Variants in GREM1 observed in about 807,000 individuals in gnomAD.
The protein encoded by GREM1 is gremlin-1.
A neutral mutation model predicts 13.1 loss-of-function variants in GREM1; 6 were observed. The ratio of observed to expected loss-of-function variants is 0.46; its 90% CI spans 0.25 to 0.91. The LOEUF (loss-of-function observed/expected upper bound fraction) is 0.91. Among genes scored for constraint, GREM1 ranks in the 40% least tolerant of loss-of-function variants. The probability of loss-of-function intolerance (pLI) is 0.18; values close to 1 mark genes in which losing one functional copy is unlikely to be tolerated. For synonymous variants in GREM1, 98 were observed against 93.7 expected, an observed-to-expected ratio of 1.05 and a Z score of -0.27; for missense variants, 185 against 233.9, an observed-to-expected ratio of 0.79 and a Z score of 1.36.
In GREM1 at chr15:32,737,852, C is replaced by CAGG. The variant is rs2055713413; in HGVS notation, c.*6611_*6613dup. On this transcript the variant is annotated 3_prime_UTR_variant, in exon 2 of 2. Transcript: ENST00000651154. ...CTGAGGCAGGAGAATCGGTTGAACCCAGGAGGTGGAGGTTCTGGTGAGCCG... is the reference window on the plus strand; with the variant it reads ...CTGAGGCAGGAGAATCGGTTGAACCCAGGAGGAGGTGGAGGTTCTGGTGAGCCG... 1 of 139,926 alleles carries CAGG rather than the reference C, an allele frequency of 7.1e-6. No individual in the cohort carries two copies. The highest frequency in any genetic ancestry group is 2.3e-4 in the South Asian group (1 of 4,396). The allele number at this position is 139,926 out of a possible 1,614,324, so 8.7% of individuals were successfully genotyped here.
intron 1 of GREM1, among the ~76,000 whole-genome samples, chr15:32,722,711 G>A (rs192762592): frequency 1.3e-5 from 2 of 152,340 alleles, no homozygotes; most frequent in Non-Finnish European, 2.9e-5. Flanking sequence ...AGGAAAGCAT[G>A]CTGTAGAGAG....
rs1272628276 is a variant in GREM1, at chr15:32,736,181, C to G, written c.*4936C>G. The G allele has an allele frequency of 6.6e-6, 1 of 152,156 alleles. No individual in the cohort carries two copies. The highest frequency in any genetic ancestry group is 2.4e-5 in the African/African-American group (1 of 41,422). The allele number at this position is 152,156 out of a possible 1,614,324, so 9.4% of individuals were successfully genotyped here. ...TGGCAGGCCCTGGAAGCTCCACTTG[C>G]AAGGCTATATTTGACCTGACTGGAA... On this transcript the variant is annotated 3_prime_UTR_variant, in exon 2 of 2. Coordinates refer to ENST00000651154, the MANE Select transcript of GREM1 (RefSeq NM_013372.7).
chr15:32,730,258 T>C (rs774129494), intron 1 of GREM1, among the ~76,000 whole-genome samples: 1 of 152,170 alleles, frequency 6.6e-6, no homozygotes, highest in East Asian at 1.9e-4. Flanking sequence ...CTCAGGCTAG[T>C]TGGGGAGAAA....
intron 1 of GREM1, chr15:32,718,761 C>T (rs974039786): frequency 6.5e-6 from 2 of 306,800 alleles, no homozygotes; most frequent in Admixed American, 4.2e-5. Context: ...GAAAACCGAA[C>T]GGTGGGTAAT....
chr15:32,722,378 T>C (rs75569083), intron 1 of GREM1, among the ~76,000 whole-genome samples: 1,915 of 152,330 alleles, frequency 0.013, 49 homozygotes, highest in African/African-American at 0.043. Context: ...CAGAAGTCCA[T>C]GCACAGACAT....
intron 1 of GREM1, 70 bp from the exon 2 acceptor site, chr15:32,730,620 A>C: frequency 3.0e-6 from 3 of 1,009,944 alleles, no homozygotes; most frequent in Non-Finnish European, 2.9e-6. Flanking sequence ...GCTAGGTGCT[A>C]TTATTATTAA....
chr15:32,721,689 G>T (rs1392852413), intron 1 of GREM1, among the ~76,000 whole-genome samples: 3 of 152,084 alleles, frequency 2.0e-5, no homozygotes, highest in African/African-American at 7.2e-5. Flanking sequence ...AGGAGGCGGA[G>T]GTTGCAGTGA....
rs2055785552 is a variant in GREM1 at position 32,744,174 on chromosome 15, C to T, written c.*12929C>T. ...TGGCCTTTTTTTTTAATTACACTCT[C>T]AGTTACATGAATCAATAAATTCCAT... On this transcript the variant is annotated 3_prime_UTR_variant, in exon 2 of 2. Transcript: ENST00000651154. 1 of 152,014 alleles carries T rather than the reference C, an allele frequency of 6.6e-6. No individual in the cohort carries two copies. The highest frequency in any genetic ancestry group is 1.5e-5 in the Non-Finnish European group (1 of 68,018). The allele number at this position is 152,014 out of a possible 1,614,324, so 9.4% of individuals were successfully genotyped here. A position where few individuals can be genotyped will look rare whatever the true frequency, so the allele number is the denominator to read the frequency against.
chr15:32,727,585 C>A (rs186925349), intron 1 of GREM1, among the ~76,000 whole-genome samples: 1 of 152,224 alleles, frequency 6.6e-6, no homozygotes, highest in African/African-American at 2.4e-5. Context: ...AAAACCGCCA[C>A]AAGGATGACT....
At chr15:32,722,117 T>C (rs2055418569) in intron 1 of GREM1, among the ~76,000 whole-genome samples, 1 of 152,216 alleles carries the variant, frequency 6.6e-6, no homozygotes, top group Admixed American at 6.5e-5. Context: ...ATTCTTCTTA[T>C]CTCCTTGGTG....
chr15:32,718,214 G>T (rs1159369127), intron 1 of GREM1, 53 bp downstream of exon 1: 2 of 1,284,874 alleles, frequency 1.6e-6, no homozygotes, highest in African/African-American at 1.5e-5. Context: ...GAAGAGGGCC[G>T]CAAACCAACC....
rs2055768457 is a variant in GREM1 at position 32,742,241 on chromosome 15, G to A, written c.*10996G>A. Reference sequence around the variant, plus strand: ...CTTTGATTTTTTTGGAAGAGTTTGAGAATAATTGGCATTAGTTTTGTTAAA... The same window carrying A: ...CTTTGATTTTTTTGGAAGAGTTTGAAAATAATTGGCATTAGTTTTGTTAAA... On this transcript the variant is annotated 3_prime_UTR_variant, in exon 2 of 2. Transcript: ENST00000651154. 6.6e-6 allele frequency: 1 copy of A among 152,132 alleles called. No individual in the cohort carries two copies. The highest frequency in any genetic ancestry group is 1.5e-5 in the Non-Finnish European group (1 of 67,992). 9.4% of individuals were successfully genotyped at this position (152,132 alleles called of 1,614,324 possible).
At position 32,739,645 on chromosome 15, in the gene GREM1, C is replaced by T. The variant is rs1252079588; in HGVS notation, c.*8400C>T. ...TCAATCCACAAACACATCTATTCTG[C>T]AAAAATTCATGGCTAAATTCCTTTG... On this transcript the variant is annotated 3_prime_UTR_variant, in exon 2 of 2. Coordinates refer to ENST00000651154, the MANE Select transcript of GREM1 (RefSeq NM_013372.7). 1 of 152,164 alleles carries T rather than the reference C, an allele frequency of 6.6e-6. No homozygotes were observed. 9.4% of individuals were successfully genotyped at this position (152,164 alleles called of 1,614,324 possible).
rs73376946 is a variant in GREM1, at chr15:32,734,213, G to A, written c.*2968G>A. 2,482 of 241,464 alleles carry A rather than the reference G, an allele frequency of 0.01. 74 individuals are homozygous for A. The highest frequency in any genetic ancestry group is 0.052 in the African/African-American group (2,360 of 45,036). The allele number at this position is 241,464 out of a possible 1,614,324, so 15.0% of individuals were successfully genotyped here. On this transcript the variant is annotated 3_prime_UTR_variant, in exon 2 of 2. Transcript: ENST00000651154. The stretch of plus-strand genomic sequence containing the variant: ...TTTTTAAATTGAATGTTCCTTAAAG[G>A]TTAACATTTCTAAAGCAATATTAAG...
In GREM1 at chr15:32,739,336, C is replaced by A. The variant is rs866531883; in HGVS notation, c.*8091C>A. 3 of 152,168 alleles carry A rather than the reference C, an allele frequency of 2.0e-5. No individual in the cohort carries two copies. The South Asian group carries it at 6.2e-4, about 32-fold the overall frequency. The allele number at this position is 152,168 out of a possible 1,614,324, so 9.4% of individuals were successfully genotyped here. A position where few individuals can be genotyped will look rare whatever the true frequency, so the allele number is the denominator to read the frequency against. ...ATTCTCCTAAAGCTTAAAGCAATTA[C>A]CTCCTTGTTTATATTTATAGTTTCA... On this transcript the variant is annotated 3_prime_UTR_variant, in exon 2 of 2. Transcript: ENST00000651154.
chr15:32,731,787 T>C lies in GREM1; in HGVS notation c.*542T>C. 4.2e-6 allele frequency: 1 copy of C among 235,486 alleles called. No homozygotes were observed. The highest frequency in any genetic ancestry group is 6.7e-5 in the East Asian group (1 of 14,912). The allele number at this position is 235,486 out of a possible 1,614,324, so 14.6% of individuals were successfully genotyped here. Reference sequence around the variant, plus strand: ...CAGTCTAATCTCTTGTTTGCCAAGGTTCCTAAATTAATTCACTTAACCATG... The same window carrying C: ...CAGTCTAATCTCTTGTTTGCCAAGGCTCCTAAATTAATTCACTTAACCATG... On this transcript the variant is annotated 3_prime_UTR_variant, in exon 2 of 2. Transcript: ENST00000651154.
chr15:32,723,136 C>T (rs1398890577), intron 1 of GREM1, among the ~76,000 whole-genome samples: 1 of 152,174 alleles, frequency 6.6e-6, no homozygotes, highest in Non-Finnish European at 1.5e-5. Flanking sequence ...CTATGGGACA[C>T]CCTTCTACAT....
At chr15:32,721,798 A>G (rs1183136209) in intron 1 of GREM1, among the ~76,000 whole-genome samples, 1 of 152,218 alleles carries the variant, frequency 6.6e-6, no homozygotes, top group African/African-American at 2.4e-5. Flanking sequence ...CTTTCACTAC[A>G]GAACAGAACC....
rs181403853 is a variant in GREM1, at chr15:32,737,390, G to A, written c.*6145G>A. 6.6e-6 allele frequency: 1 copy of A among 152,198 alleles called. No individual in the cohort carries two copies. The highest frequency in any genetic ancestry group is 1.5e-5 in the Non-Finnish European group (1 of 68,002). The allele number at this position is 152,198 out of a possible 1,614,324, so 9.4% of individuals were successfully genotyped here. A position where few individuals can be genotyped will look rare whatever the true frequency, so the allele number is the denominator to read the frequency against. On this transcript the variant is annotated 3_prime_UTR_variant, in exon 2 of 2. Coordinates refer to ENST00000651154, the MANE Select transcript of GREM1 (RefSeq NM_013372.7). ...ATTCAACAAAATGCTAGATAACTGG[G>A]TCCAACAACATATGGAAAGGATTAT...
Sources: gnomAD v4.1 joint callset for allele counts (sites outside exome capture counted in the v4.1 genomes callset) on GRCh38, gnomAD v4.1.1 for gene constraint, MANE v1.5 for transcripts, NCBI Gene and HGNC (gene_info 2026-07-23, HGNC 2026-07-21) for gene names.